TASL: variants seen among roughly 807,000 people sequenced by gnomAD.
TASL encodes TLR adaptor interacting with endolysosomal SLC15A4.
Under a neutral mutation model 12.9 loss-of-function variants are expected in TASL, and 6 were observed. The observed-to-expected ratio is 0.46, with a 90% CI of 0.25 to 0.92. The LOEUF (loss-of-function observed/expected upper bound fraction) is 0.92. Ranked by LOEUF, TASL falls within the 40% of genes least tolerant of loss-of-function variation. The pLI, the probability that TASL is intolerant of heterozygous loss-of-function variation, is 0.17. For missense variants in TASL, 165 were observed against 212.8 expected (o/e 0.78, Z 1.40); for synonymous variants, 85 against 79.3 (o/e 1.07, Z -0.38).
chrX:30,560,507 G>C (rs1483597047), intron 2 of TASL, 151 bp from the exon 3 acceptor site: 3 of 442,256 alleles, frequency 6.8e-6, no homozygotes, highest in Non-Finnish European at 7.7e-6. Flanking sequence ...TGTGTACCAG[G>C]ACTATGGCAT....
intron 2 of TASL, among the ~76,000 whole-genome samples, chrX:30,566,117 C>T (rs956001550): frequency 9.9e-5 from 11 of 110,996 alleles, no homozygotes; most frequent in Admixed American, 3.8e-4. Flanking sequence ...TTATAGCATA[C>T]TATGACAGTT....
intron 2 of TASL, among the ~76,000 whole-genome samples, chrX:30,570,123 A>T (rs188758643): frequency 9.0e-6 from 1 of 110,881 alleles, no homozygotes. Flanking sequence ...GTTACCTAGA[A>T]CATCTCATCT....
chrX:30,573,329 G>A (rs1930657813), intron 2 of TASL, among the ~76,000 whole-genome samples: 1 of 112,080 alleles, frequency 8.9e-6, no homozygotes, highest in African/African-American at 3.2e-5. Flanking sequence ...CAGGAAAAGG[G>A]CATCAGCCCT....
chrX:30,573,901 G>A (rs1930668097), intron 2 of TASL, among the ~76,000 whole-genome samples: 1 of 111,515 alleles, frequency 9.0e-6, no homozygotes, highest in Non-Finnish European at 1.9e-5. Flanking sequence ...CTGGGTGACA[G>A]AGCAAGACTC....
In TASL at chrX:30,559,921, G is replaced by T. The variant is rs139910673; in HGVS notation, c.435C>A (p.Pro145=). Residue 145 remains proline (P), a synonymous_variant, in exon 3 of 3, where the codon CCC becomes CCA. Coordinates refer to ENST00000378962, the MANE Select transcript of TASL (RefSeq NM_025159.3). ...MAINSVTTDF[P]SESSFEYGPL... ...GGCCATATTCAAAACTGCTCTCAGA[G>T]GGAAAATCTGTTGTCACTGAATTAA... The T allele has an allele frequency of 8.3e-7, 1 of 1,209,811 alleles. No individual in the cohort carries two copies. Among genetic ancestry groups the T allele is most frequent in the East Asian group, 3.0e-5 (1 of 33,775 alleles).
At position 30,564,479 on chromosome X, in the gene TASL, A is replaced by C. The variant is rs761398389; in HGVS notation, c.-1-4123T>G. ...TGATAGAACACTTGGGACAAAGAGAAGATCCTATAAGCTTCCAGAATGAAA... is the reference window on the plus strand; with the variant it reads ...TGATAGAACACTTGGGACAAAGAGACGATCCTATAAGCTTCCAGAATGAAA... On this transcript the variant is annotated intron_variant, in intron 2 of 2. Transcript: ENST00000378962. Among the ~76,000 whole-genome samples, 3 of 111,664 alleles carry C rather than the reference A, an allele frequency of 2.7e-5. No individual in the cohort carries two copies. The East Asian group carries it at 8.4e-4, about 31-fold the overall frequency.
chrX:30,565,471 G>C (rs1457392166), intron 2 of TASL, among the ~76,000 whole-genome samples: 1 of 111,917 alleles, frequency 8.9e-6, no homozygotes, highest in Non-Finnish European at 1.9e-5. Context: ...AAACTTTGGG[G>C]ATAAATTAGA....
intron 2 of TASL, among the ~76,000 whole-genome samples, chrX:30,571,326 G>GAAAC (rs1930620011): frequency 9.5e-6 from 1 of 105,513 alleles, no homozygotes; most frequent in African/African-American, 3.4e-5. Flanking sequence ...AAGAAAGAAA[G>GAAAC]AAACCCATTT....
intron 2 of TASL, among the ~76,000 whole-genome samples, chrX:30,563,563 A>T (rs751048710): frequency 1.8e-5 from 2 of 111,771 alleles, no homozygotes; most frequent in South Asian, 7.6e-4. Context: ...AGAAACCCAG[A>T]TCATCTTTCA....
intron 2 of TASL, among the ~76,000 whole-genome samples, chrX:30,560,957 GGAGA>G (rs1236398961): frequency 9.0e-6 from 1 of 111,455 alleles, no homozygotes; most frequent in South Asian, 3.8e-4. Context: ...GTTGCAGATT[GGAGA>G]GAAACATGGC....
chrX:30,564,805 C>T (rs895998336), intron 2 of TASL, among the ~76,000 whole-genome samples: 1 of 111,856 alleles, frequency 8.9e-6, no homozygotes, highest in African/African-American at 3.3e-5. Context: ...AACAGGAAAT[C>T]CAGCACAGGA....
chrX:30,564,601 T>G (rs1809429978), intron 2 of TASL, among the ~76,000 whole-genome samples: 1 of 111,896 alleles, frequency 8.9e-6, no homozygotes, highest in Non-Finnish European at 1.9e-5. Context: ...CTACAAATTC[T>G]GAATTTTAAT....
intron 2 of TASL, among the ~76,000 whole-genome samples, chrX:30,573,109 A>C (rs1289149365): frequency 2.7e-5 from 3 of 111,969 alleles, no homozygotes; most frequent in Non-Finnish European, 5.6e-5. Flanking sequence ...TCTCTTTATC[A>C]TTATCTAGAT....
At chrX:30,566,944 C>T (rs1930505718) in intron 2 of TASL, among the ~76,000 whole-genome samples, 1 of 111,806 alleles carries the variant, frequency 8.9e-6, no homozygotes, top group Non-Finnish European at 1.9e-5. Context: ...GCCATATAGA[C>T]ATCACAGATC....
In TASL at chrX:30,559,366, C is replaced by T. The variant is rs2147082181; in HGVS notation, c.*84G>A. The T allele has an allele frequency of 1.3e-6, 1 of 743,072 alleles. No homozygotes were observed. The highest frequency in any genetic ancestry group is 2.0e-6 in the Non-Finnish European group (1 of 506,785). 61.2% of individuals were successfully genotyped at this position (743,072 alleles called of 1,213,427 possible). A position where few individuals can be genotyped will look rare whatever the true frequency, so the allele number is the denominator to read the frequency against. The stretch of plus-strand genomic sequence containing the variant: ...CTAGCCCTTAATTCCCCTTCACTAA[C>T]CCCTCCTGCACATTCTCAGAATAAA... On this transcript the variant is annotated 3_prime_UTR_variant, in exon 3 of 3. Coordinates refer to ENST00000378962, the MANE Select transcript of TASL (RefSeq NM_025159.3).
chrX:30,571,829 A>G (rs1462504956), intron 2 of TASL, among the ~76,000 whole-genome samples: 1 of 110,560 alleles, frequency 9.0e-6, no homozygotes, highest in African/African-American at 3.3e-5. Flanking sequence ...GGGTCTCTTC[A>G]AGGGTATATA....
rs775364942 is a variant in TASL, at chrX:30,572,557, T to C, written c.-2+4195A>G. ...TGTAGTCACCATGCTGTACAAGAGATCCTTTGAACTTATTCCTTCTATATA... is the reference window on the plus strand; with the variant it reads ...TGTAGTCACCATGCTGTACAAGAGACCCTTTGAACTTATTCCTTCTATATA... On this transcript the variant is annotated intron_variant, in intron 2 of 2. Transcript: ENST00000378962. Among the ~76,000 whole-genome samples, 20 of 112,124 alleles carry C rather than the reference T, an allele frequency of 1.8e-4. 1 individual carries two copies. Among genetic ancestry groups the C allele is most frequent in the Non-Finnish European group, 9.4e-5 (5 of 53,269 alleles).
At position 30,559,468 on chromosome X, in the gene TASL, A is replaced by G; in HGVS notation, c.888T>C (p.Tyr296=). The G allele has an allele frequency of 8.4e-7, 1 of 1,187,719 alleles. No individual in the cohort carries two copies. The highest frequency in any genetic ancestry group is 1.1e-6 in the Non-Finnish European group (1 of 881,957). ...ISTPSLHISQ[Y]SNVNP is the part of the protein sequence containing the mutation. ...ATCCTCTCTATGGATTTACATTGCT[A>G]TACTGAGAAATATGGAGACTAGGAG... The change falls in exon 3 of 3, where the codon TAT becomes TAC. Residue 296 remains tyrosine (Y), a synonymous_variant. Coordinates refer to ENST00000378962, the MANE Select transcript of TASL (RefSeq NM_025159.3).
At chrX:30,573,472 A>G (rs1339285665) in intron 2 of TASL, among the ~76,000 whole-genome samples, 2 of 112,735 alleles carry the variant, frequency 1.8e-5, no homozygotes, top group Non-Finnish European at 1.9e-5. Context: ...ATATGTCCCA[A>G]TTATGTATCG....
Sources: allele counts gnomAD v4.1 joint callset (sites outside exome capture counted in the v4.1 genomes callset), GRCh38; gene constraint gnomAD v4.1.1; transcripts MANE v1.5; gene names NCBI Gene and HGNC (gene_info 2026-07-23, HGNC 2026-07-21).